The following SUGCT variants were observed in gnomAD, a reference collection of about 807,000 sequenced individuals.
SUGCT encodes succinyl-CoA:glutarate CoA-transferase.
SUGCT carries 41 observed loss-of-function variants against 55.0 expected under a neutral mutation model. That is an observed-to-expected ratio of 0.74 (90% CI 0.58 to 0.97). SUGCT has a LOEUF of 0.97. SUGCT is among the 50% of genes least tolerant of loss of function. The pLI is 0.00. For synonymous variants in SUGCT, 187 were observed against 200.4 expected (o/e 0.93, Z 0.56); for missense variants, 568 against 547.8 (o/e 1.04, Z -0.37).
intron 2 of SUGCT, among the ~76,000 whole-genome samples, chr7:40,181,482 A>C (rs1190025456): frequency 6.6e-6 from 1 of 152,146 alleles, no homozygotes; most frequent in Non-Finnish European, 1.5e-5. Flanking sequence ...GCGGTGGCTC[A>C]CGCCTGTAAT....
intron 13 of SUGCT, among the ~76,000 whole-genome samples, chr7:40,848,107 C>T (rs10237052): frequency 0.22 from 33,127 of 152,032 alleles, 4,761 homozygotes; most frequent in East Asian, 0.8. Context: ...GATTCCACAC[C>T]GATGGTGTAG....
chr7:40,832,446 CTT>C lies in SUGCT; in HGVS notation c.1154-27868_1154-27867del, dbSNP rs1330447252. On this transcript the variant is annotated intron_variant, in intron 13 of 13. Coordinates refer to ENST00000335693, the MANE Select transcript of SUGCT (RefSeq NM_001193313.2). ...GTAATAGGACACATGTTCTCCCAAA[CTT>C]TATATTTTTTAGTGTTCTGCACCAA... is the stretch of plus-strand genomic sequence containing the variant. Among the ~76,000 whole-genome samples the C allele has an allele frequency of 7.9e-5, 12 of 151,938 alleles. No individual in the cohort carries two copies. The South Asian group carries it at 2.5e-3, about 32-fold the overall frequency.
chr7:41,019,325 T>C, the SUGCT span, among the ~76,000 whole-genome samples: 1 of 152,258 alleles, frequency 6.6e-6, no homozygotes, highest in Non-Finnish European at 1.5e-5. Flanking sequence ...TCCACATAAG[T>C]ACTTGTCATA....
At chr7:40,173,478 A>G (rs1784775613) in intron 1 of SUGCT, among the ~76,000 whole-genome samples, 2 of 152,216 alleles carry the variant, frequency 1.3e-5, no homozygotes, top group South Asian at 2.1e-4. Context: ...CAGAGCTCCC[A>G]TACAATGGGA....
chr7:40,180,529 G>A (rs1211533745), intron 1 of SUGCT, among the ~76,000 whole-genome samples: 3 of 148,982 alleles, frequency 2.0e-5, no homozygotes, highest in East Asian at 2.0e-4. Context: ...TTGCTCTGTC[G>A]CCCAGGCTGG....
At chr7:40,499,827 A>G (rs1424314956) in intron 12 of SUGCT, among the ~76,000 whole-genome samples, 1 of 152,226 alleles carries the variant, frequency 6.6e-6, no homozygotes, top group Non-Finnish European at 1.5e-5. Flanking sequence ...ATTGTGCAGT[A>G]CATTAAAGGA....
At chr7:40,955,620 T>C in the SUGCT span, among the ~76,000 whole-genome samples, 1 of 152,220 alleles carries the variant, frequency 6.6e-6, no homozygotes, top group African/African-American at 2.4e-5. Context: ...TTGAATCCCC[T>C]TTATTTCTTT....
At chr7:40,290,174 C>A (rs371008050) in intron 8 of SUGCT, among the ~76,000 whole-genome samples, 3 of 152,028 alleles carry the variant, frequency 2.0e-5, no homozygotes, top group African/African-American at 7.2e-5. Context: ...TCATATGGAA[C>A]CAAAAAAGAG....
At chr7:40,717,486 A>G (rs1005709325) in intron 12 of SUGCT, among the ~76,000 whole-genome samples, 1 of 152,174 alleles carries the variant, frequency 6.6e-6, no homozygotes, top group Non-Finnish European at 1.5e-5. Context: ...GCTCCAGTCC[A>G]CTGTGGGCAT....
intron 13 of SUGCT, among the ~76,000 whole-genome samples, chr7:40,772,565 GTGTTATCTATCTGCTATC>G (rs1357582908): frequency 3.1e-4 from 37 of 119,022 alleles, no homozygotes; most frequent in African/African-American, 1.2e-3. Context: ...TATCTATCTG[GTGTTATCTATCTGCTATC>G]TATCTATCTA....
chr7:40,999,512 T>C, the SUGCT span, among the ~76,000 whole-genome samples: 2 of 152,180 alleles, frequency 1.3e-5, no homozygotes, highest in Admixed American at 1.3e-4. Flanking sequence ...TTATATGACT[T>C]CGTGTTTGCA....
chr7:40,311,475 C>T (rs1211720931), intron 8 of SUGCT, among the ~76,000 whole-genome samples: 10 of 152,160 alleles, frequency 6.6e-5, no homozygotes, highest in African/African-American at 1.7e-4. Flanking sequence ...GGCTCCTTAC[C>T]ATTACTACAA....
chr7:40,853,289 C>T (rs1793948726), intron 13 of SUGCT, among the ~76,000 whole-genome samples: 1 of 152,022 alleles, frequency 6.6e-6, no homozygotes, highest in Non-Finnish European at 1.5e-5. Context: ...ATTAAACTTT[C>T]TTTTATTGTT....
intron 12 of SUGCT, among the ~76,000 whole-genome samples, chr7:40,497,870 A>G (rs1424814482): frequency 6.6e-6 from 1 of 151,752 alleles, no homozygotes; most frequent in Non-Finnish European, 1.5e-5. Flanking sequence ...TATTATTTAA[A>G]AATATATTAA....
the SUGCT span, among the ~76,000 whole-genome samples, chr7:40,986,025 T>A: frequency 6.6e-6 from 1 of 152,228 alleles, no homozygotes; most frequent in African/African-American, 2.4e-5. Flanking sequence ...AAAAACACAG[T>A]AGGCCAGTAC....
intron 13 of SUGCT, among the ~76,000 whole-genome samples, chr7:40,793,741 C>T (rs190923749): frequency 6.0e-4 from 91 of 152,192 alleles, no homozygotes; most frequent in Middle Eastern, 6.8e-3. Context: ...TTGATAGTCT[C>T]TTTTCTCCTT....
At chr7:40,274,749 A>G in intron 8 of SUGCT, 93 bp downstream of exon 8, 1 of 1,199,420 alleles carries the variant, frequency 8.3e-7, no homozygotes, top group Non-Finnish European at 1.2e-6. Flanking sequence ...ATGTACAAAA[A>G]CAATACAAAA....
chr7:40,236,992 C>A (rs1789056854), intron 6 of SUGCT, among the ~76,000 whole-genome samples: 1 of 152,046 alleles, frequency 6.6e-6, no homozygotes, highest in Non-Finnish European at 1.5e-5. Flanking sequence ...ACCACCACAC[C>A]TGGCTAATTT....
intron 12 of SUGCT, among the ~76,000 whole-genome samples, chr7:40,747,035 C>A (rs1787765283): frequency 6.6e-6 from 1 of 152,140 alleles, no homozygotes; most frequent in Non-Finnish European, 1.5e-5. Flanking sequence ...CATTTAGCCC[C>A]CACCCCCACA....
Sources: allele counts gnomAD v4.1 joint callset (sites outside exome capture counted in the v4.1 genomes callset), GRCh38; gene constraint gnomAD v4.1.1; transcripts MANE v1.5; gene names NCBI Gene and HGNC (gene_info 2026-07-23, HGNC 2026-07-21).